The following DNASE1 variants were observed in gnomAD, a reference collection of about 807,000 sequenced individuals.
DNASE1 encodes deoxyribonuclease-1.
A neutral mutation model predicts 33.9 loss-of-function variants in DNASE1; 40 were observed. The observed-to-expected ratio is 1.18, with a 90% CI of 0.92 to 1.54. DNASE1 has a LOEUF of 1.54. Ranked by LOEUF, DNASE1 falls within the 40% of genes most tolerant of loss-of-function variation. The probability of loss-of-function intolerance (pLI) is 0.00; values close to 1 mark genes in which losing one functional copy is unlikely to be tolerated. For synonymous variants in DNASE1, 216 were observed against 160.0 expected (o/e 1.35, Z -2.64); for missense variants, 518 against 372.6 (o/e 1.39, Z -3.21).
Position 3,655,991 on chromosome 16 carries a change from C to T in DNASE1, c.236+54C>T, listed in dbSNP as rs2042580880. On this transcript the variant is annotated intron_variant, in intron 3 of 8. Coordinates refer to ENST00000246949, the MANE Select transcript of DNASE1 (RefSeq NM_005223.4). ...GGTGACATCTCGTCCACGGCACAGC[C>T]TCACTTCACTTGGGCCCCAAGGGTG... 2.5e-6 allele frequency: 4 copies of T among 1,612,402 alleles called. No homozygotes were observed. The African/African-American group carries it at 5.3e-5, about 22-fold the overall frequency.
chr16:3,659,470 C>T (rs986070131), downstream of DNASE1: 1 of 152,138 alleles, frequency 6.6e-6, no homozygotes, highest in African/African-American at 2.4e-5. Flanking sequence ...AAAGCCTTTC[C>T]AAGCAAAACC....
intron 1 of DNASE1, among the ~76,000 whole-genome samples, chr16:3,633,798 GA>G (rs1457624812): frequency 6.6e-6 from 1 of 151,782 alleles, no homozygotes; most frequent in Non-Finnish European, 1.5e-5. Flanking sequence ...ATTCAAAAGC[GA>G]AATTATTATT....
chr16:3,644,865 A>G (rs1413605645), intron 1 of DNASE1, among the ~76,000 whole-genome samples: 1 of 152,302 alleles, frequency 6.6e-6, no homozygotes, highest in East Asian at 1.9e-4. Flanking sequence ...ATGGTGGCTC[A>G]CGCCTGTAAT....
intron 1 of DNASE1, among the ~76,000 whole-genome samples, chr16:3,614,020 C>G (rs556471720): frequency 3.0e-4 from 45 of 149,152 alleles, no homozygotes; most frequent in African/African-American, 9.7e-4. Context: ...TCACGCCATT[C>G]TCCTGCCGCA....
Position 3,656,633 on chromosome 16 carries a change from C to A in DNASE1, c.321-5C>A. 6.2e-7 allele frequency: 1 copy of A among 1,606,528 alleles called. No homozygotes were observed. The highest frequency in any genetic ancestry group is 2.3e-5 in the East Asian group (1 of 44,330). ...GTCACCTCCTCCTGCCCGGCCTTCC[C>A]GCAGGCCTGACCAGGTGTCTGCGGT... On this transcript the variant is annotated splice_region_variant and splice_polypyrimidine_tract_variant and intron_variant, in intron 4 of 8. Transcript: ENST00000246949.
downstream of DNASE1, chr16:3,658,833 C>CGCAGCTGACGA: frequency 6.2e-7 from 1 of 1,613,992 alleles, no homozygotes; most frequent in Non-Finnish European, 8.5e-7. Context: ...CTCGCTTGCG[C>CGCAGCTGACGA]GCAGCTGATT....
At chr16:3,663,046 C>A, downstream of DNASE1, 1 of 1,069,828 alleles carries the variant, frequency 9.3e-7, no homozygotes, top group Non-Finnish European at 1.3e-6. Context: ...CAGCATGCTT[C>A]CAGCTCCCAC....
intron 1 of DNASE1, among the ~76,000 whole-genome samples, chr16:3,614,322 G>T (rs2041023659): frequency 1.3e-5 from 2 of 152,100 alleles, no homozygotes; most frequent in South Asian, 4.1e-4. Flanking sequence ...CAAAGGGCTG[G>T]GATTACTGGT....
chr16:3,623,714 A>G (rs1234544496), intron 1 of DNASE1, among the ~76,000 whole-genome samples: 1 of 152,098 alleles, frequency 6.6e-6, no homozygotes, highest in African/African-American at 2.4e-5. Context: ...CAGGAGGATC[A>G]CTTGAGGCCA....
intron 1 of DNASE1, among the ~76,000 whole-genome samples, chr16:3,624,064 C>T (rs2041418507): frequency 6.6e-6 from 1 of 152,046 alleles, no homozygotes; most frequent in Non-Finnish European, 1.5e-5. Context: ...GCAGGCGGAT[C>T]ACTTGAGTGC....
chr16:3,647,567 C>T (rs1410479995), intron 1 of DNASE1, among the ~76,000 whole-genome samples: 3 of 152,228 alleles, frequency 2.0e-5, no homozygotes, highest in Non-Finnish European at 2.9e-5. Flanking sequence ...AGGCACCACA[C>T]GCAGCCAGAA....
At chr16:3,658,335 C>A, downstream of DNASE1, 1 of 916,572 alleles carries the variant, frequency 1.1e-6, no homozygotes, top group Admixed American at 2.3e-5. Flanking sequence ...AGTGCAGAGG[C>A]ACGATCTCGG....
intron 1 of DNASE1, among the ~76,000 whole-genome samples, chr16:3,625,353 A>G (rs78494629): frequency 0.063 from 9,500 of 151,974 alleles, 315 homozygotes; most frequent in Admixed American, 0.076. Context: ...GCATGATGTT[A>G]TATTCTTGTA....
At chr16:3,663,042 G>T, downstream of DNASE1, 2 of 1,203,242 alleles carry the variant, frequency 1.7e-6, no homozygotes, top group South Asian at 1.4e-5. Context: ...CACGCAGCAT[G>T]CTTCCAGCTC....
At position 3,657,770 on chromosome 16, in the gene DNASE1, C is replaced by T. The variant is rs553553015; in HGVS notation, c.755C>T (p.Ala252Val). ...CGAGGCGCCGTTGTTCCCGACTCGGCTCTTCCCTTTAACTTCCAGGCTGCC... is the reference window on the plus strand; with the variant it reads ...CGAGGCGCCGTTGTTCCCGACTCGGTTCTTCCCTTTAACTTCCAGGCTGCC... ...LLRGAVVPDS[A>V]LPFNFQAAYG... is the part of the protein sequence containing the mutation. Residue 252 changes from alanine (A) to valine (V), a missense_variant, in exon 8 of 9, where the codon GCT becomes GTT. Coordinates refer to ENST00000246949, the MANE Select transcript of DNASE1 (RefSeq NM_005223.4). 1 of 1,614,004 alleles carries T rather than the reference C, an allele frequency of 6.2e-7. No homozygotes were observed. The highest frequency in any genetic ancestry group is 8.5e-7 in the Non-Finnish European group (1 of 1,180,046).
intron 3 of DNASE1, 36 bp downstream of exon 3, chr16:3,655,973 T>A (rs2042579372): frequency 6.2e-7 from 1 of 1,613,182 alleles, no homozygotes; most frequent in Non-Finnish European, 8.5e-7. Context: ...GAAGGTGACA[T>A]CTCGTCCACG....
rs543320455 is a variant in DNASE1 at position 3,612,880 on chromosome 16, G to A, written c.-1359+874G>A. Among the ~76,000 whole-genome samples, 4 of 151,838 alleles carry A rather than the reference G, an allele frequency of 2.6e-5. No homozygotes were observed. The South Asian group carries it at 8.3e-4, about 31-fold the overall frequency. On this transcript the variant is annotated intron_variant and NMD_transcript_variant, in intron 1 of 11. Transcript: ENST00000570769. ...GTCAAGACGCAGTTGTTAACGATTT[G>A]CCGGTTTCTGGCCTTAACATCTGAG... is the stretch of plus-strand genomic sequence containing the variant.
chr16:3,615,210 A>T (rs1567182923), intron 1 of DNASE1, among the ~76,000 whole-genome samples: 1 of 152,200 alleles, frequency 6.6e-6, no homozygotes, highest in Non-Finnish European at 1.5e-5. Flanking sequence ...CACCAACTGA[A>T]CAAACACTGT....
chr16:3,640,796 G>A, upstream of DNASE1: 1 of 398,620 alleles, frequency 2.5e-6, no homozygotes, highest in Admixed American at 4.4e-5. Context: ...GGCCTCCCCA[G>A]CAAGTTGCAT....
Sources: allele counts gnomAD v4.1 joint callset (sites outside exome capture counted in the v4.1 genomes callset), GRCh38; gene constraint gnomAD v4.1.1; transcripts MANE v1.5; gene names NCBI Gene and HGNC (gene_info 2026-07-23, HGNC 2026-07-21).